The following PCNX2 variants were observed in gnomAD, a reference collection of about 807,000 sequenced individuals.
The protein encoded by PCNX2 is pecanex 2.
A neutral mutation model predicts 223.8 loss-of-function variants in PCNX2; 168 were observed. The ratio of observed to expected loss-of-function variants is 0.75; its 90% CI spans 0.66 to 0.85. The LOEUF (loss-of-function observed/expected upper bound fraction) is 0.85. PCNX2 is among the 40% of genes least tolerant of loss of function. PCNX2 has a pLI of 0.00. For synonymous variants in PCNX2, 1,006 were observed against 1,052.6 expected (o/e 0.96, Z 0.86); for missense variants, 2,507 against 2,675.5 (o/e 0.94, Z 1.39).
At chr1:233,127,356 GC>G (rs1318199053) in intron 21 of PCNX2, among the ~76,000 whole-genome samples, 7 of 151,920 alleles carry the variant, frequency 4.6e-5, no homozygotes, top group Admixed American at 4.6e-4. Context: ...CTCCTCTCTT[GC>G]TTCTGTGCCT....
At chr1:233,259,680 GTTCTCA>G (rs759426327) in intron 4 of PCNX2, among the ~76,000 whole-genome samples, 102 of 152,126 alleles carry the variant, frequency 6.7e-4, no homozygotes, top group Non-Finnish European at 1.3e-3. Flanking sequence ...GTGTCCATGT[GTTCTCA>G]TTATTCAACT....
At chr1:233,214,899 T>C (rs1682031111) in intron 12 of PCNX2, among the ~76,000 whole-genome samples, 1 of 152,218 alleles carries the variant, frequency 6.6e-6, no homozygotes, top group African/African-American at 2.4e-5. Flanking sequence ...GCAAAAACTT[T>C]ATTTTCATTT....
At chr1:233,304,403 C>T in the PCNX2 span, among the ~76,000 whole-genome samples, 1 of 152,068 alleles carries the variant, frequency 6.6e-6, no homozygotes, top group Non-Finnish European at 1.5e-5. Flanking sequence ...ATACAGACGA[C>T]AAAAAGACTA....
At chr1:233,284,752 T>C (rs150674459) in intron 1 of PCNX2, among the ~76,000 whole-genome samples, 2 of 152,216 alleles carry the variant, frequency 1.3e-5, no homozygotes, top group African/African-American at 4.8e-5. Context: ...AATTGCACTA[T>C]CCTTCCCCTT....
chr1:233,258,593 G>A lies in PCNX2; in HGVS notation c.1269C>T (p.Ala423=), dbSNP rs189175306. 796 of 1,613,842 alleles carry A rather than the reference G, an allele frequency of 4.9e-4. 2 individuals carry two copies. The highest frequency in any genetic ancestry group is 4.8e-3 in the East Asian group (214 of 44,864). The change falls in exon 5 of 34, where the codon GCC becomes GCT. Residue 423 remains alanine (A), a synonymous_variant. Coordinates refer to ENST00000258229, the MANE Select transcript of PCNX2 (RefSeq NM_014801.4). ...TNPGAAGSPN[A]EQISIPVITL... The stretch of plus-strand genomic sequence containing the variant: ...TGATTACAGGAATTGAGATCTGCTC[G>A]GCATTTGGAGAACCGGCCGCCCCTG...
chr1:233,288,381 G>A (rs1394786806), intron 1 of PCNX2, among the ~76,000 whole-genome samples: 3 of 152,176 alleles, frequency 2.0e-5, no homozygotes, highest in Admixed American at 6.5e-5. Flanking sequence ...GAAGCCCTGA[G>A]AAAGCTGGGA....
intron 15 of PCNX2, among the ~76,000 whole-genome samples, chr1:233,186,380 G>A (rs150089518): frequency 1.6e-3 from 248 of 152,210 alleles, no homozygotes; most frequent in African/African-American, 4.5e-3. Flanking sequence ...TAAAGTTCCC[G>A]AAATTTAGTA....
chr1:232,986,177 C>T lies in PCNX2; in HGVS notation c.6155G>A (p.Gly2052Glu), dbSNP rs1329214916. ...TGACTGGGTGTCACTGGTATTGCCC[C>T]CCTCCGCAGCAGAGAGTCCGGAAAT... The part of the protein sequence containing the change: ...LVISGLSAAE[G>E]GNTSDTQSSS... The change falls in exon 33 of 34, where the codon GGG becomes GAG. Residue 2052 changes from glycine to glutamate, a missense_variant. This residue lies in a region of PCNX2 where 1,372 missense variants were observed against 1,509.4 expected (regional missense o/e 0.91). Transcript: ENST00000258229. 1 of 1,562,946 alleles carries T rather than the reference C, an allele frequency of 6.4e-7. No individual in the cohort carries two copies. The highest frequency in any genetic ancestry group is 8.7e-7 in the Non-Finnish European group (1 of 1,152,960).
At chr1:233,133,585 G>C (rs1676632771) in intron 21 of PCNX2, among the ~76,000 whole-genome samples, 1 of 152,212 alleles carries the variant, frequency 6.6e-6, no homozygotes, top group Non-Finnish European at 1.5e-5. Flanking sequence ...GCCAGGTGCA[G>C]TGGCTCATGC....
Position 233,025,127 on chromosome 1 carries a change from T to C in PCNX2, c.4605+19A>G. ...ATCCTAGCATTTCTGCCTTAGGTGT[T>C]TGGGAAACAGAGCAATACCTTGATG... On this transcript the variant is annotated intron_variant, in intron 26 of 33. Coordinates refer to ENST00000258229, the MANE Select transcript of PCNX2 (RefSeq NM_014801.4). 1 of 1,612,928 alleles carries C rather than the reference T, an allele frequency of 6.2e-7. No homozygotes were observed. The highest frequency in any genetic ancestry group is 8.5e-7 in the Non-Finnish European group (1 of 1,178,998).
chr1:233,128,462 G>A (rs1676231775), intron 21 of PCNX2, among the ~76,000 whole-genome samples: 1 of 152,104 alleles, frequency 6.6e-6, no homozygotes, highest in Non-Finnish European at 1.5e-5. Flanking sequence ...AGCCTCCGGA[G>A]TAGCTGGGAT....
At chr1:233,021,072 T>C (rs373715511) in intron 26 of PCNX2, among the ~76,000 whole-genome samples, 13 of 152,268 alleles carry the variant, frequency 8.5e-5, no homozygotes, top group Middle Eastern at 3.4e-3. Flanking sequence ...TGCTGTTTCT[T>C]CTGTTCTAAT....
intron 8 of PCNX2, 70 bp downstream of exon 8, chr1:233,250,669 A>C (rs1659397031): frequency 6.8e-7 from 1 of 1,480,646 alleles, no homozygotes; most frequent in Non-Finnish European, 8.9e-7. Flanking sequence ...CAGAATCCTC[A>C]CTTTATCTTC....
chr1:233,288,647 G>C (rs987401715), intron 1 of PCNX2, among the ~76,000 whole-genome samples: 10 of 152,098 alleles, frequency 6.6e-5, no homozygotes, highest in Non-Finnish European at 1.3e-4. Context: ...CAGGAAAGCA[G>C]AGCCCTCCAC....
chr1:233,216,046 T>C (rs1682106013), intron 12 of PCNX2, among the ~76,000 whole-genome samples: 1 of 151,300 alleles, frequency 6.6e-6, no homozygotes, highest in South Asian at 2.1e-4. Flanking sequence ...TGGATATAAT[T>C]TTTTTTAAAA....
intron 15 of PCNX2, among the ~76,000 whole-genome samples, chr1:233,179,381 T>G (rs1679667120): frequency 6.6e-6 from 1 of 152,178 alleles, no homozygotes; most frequent in Non-Finnish European, 1.5e-5. Context: ...ATAAGGAACT[T>G]TTTGACTAAT....
intron 28 of PCNX2, among the ~76,000 whole-genome samples, chr1:233,012,887 T>G (rs905953538): frequency 2.6e-5 from 4 of 152,174 alleles, no homozygotes; most frequent in Non-Finnish European, 4.4e-5. Flanking sequence ...GCTACGAATA[T>G]CTCAAGAGTC....
chr1:233,282,990 T>C (rs1343953523), intron 1 of PCNX2, among the ~76,000 whole-genome samples: 1 of 151,610 alleles, frequency 6.6e-6, no homozygotes, highest in Non-Finnish European at 1.5e-5. Context: ...AGCATGTTAC[T>C]CTGGCAGTAC....
chr1:233,304,517 A>G, the PCNX2 span, among the ~76,000 whole-genome samples: 1 of 152,230 alleles, frequency 6.6e-6, no homozygotes, highest in African/African-American at 2.4e-5. Context: ...TAAAAAATAA[A>G]TTACATCTTT....
Sources: gnomAD v4.1 joint callset for allele counts (sites outside exome capture counted in the v4.1 genomes callset) on GRCh38, gnomAD v4.1.1 for gene constraint, gnomAD v4.1.1 regional missense constraint, MANE v1.5 for transcripts, NCBI Gene and HGNC (gene_info 2026-07-23, HGNC 2026-07-21) for gene names.